Variants in CA8 observed in about 807,000 individuals in gnomAD.
CA8 encodes the protein carbonic anhydrase 8 (inactive).
Under a neutral mutation model 41.4 loss-of-function variants are expected in CA8, and 22 were observed. The observed-to-expected ratio is 0.53, with a 90% CI of 0.38 to 0.76. The LOEUF (loss-of-function observed/expected upper bound fraction) is 0.76. Ranked by LOEUF, CA8 falls within the 30% of genes least tolerant of loss-of-function variation. The pLI, the probability that CA8 is intolerant of heterozygous loss-of-function variation, is 0.00. For missense variants in CA8, 270 were observed against 352.8 expected, an observed-to-expected ratio of 0.77 and a Z score of 1.88; for synonymous variants, 121 against 130.6, an observed-to-expected ratio of 0.93 and a Z score of 0.50.
intron 3 of CA8, among the ~76,000 whole-genome samples, chr8:60,254,110 G>C (rs2130558554): frequency 6.6e-6 from 1 of 152,214 alleles, no homozygotes; most frequent in South Asian, 2.1e-4. Flanking sequence ...ACATGTTTCT[G>C]TCTTACTTCC....
chr8:60,249,507 T>C (rs1808367756), intron 3 of CA8, among the ~76,000 whole-genome samples: 3 of 152,188 alleles, frequency 2.0e-5, no homozygotes, highest in South Asian at 2.1e-4. Context: ...ACAAATAAAA[T>C]AAAATTTTCA....
chr8:60,201,266 A>G (rs766206398), intron 8 of CA8, among the ~76,000 whole-genome samples: 2 of 152,202 alleles, frequency 1.3e-5, no homozygotes, highest in African/African-American at 2.4e-5. Context: ...CAATTCTAGA[A>G]GTTAATTAAA....
intron 8 of CA8, among the ~76,000 whole-genome samples, chr8:60,203,743 A>T (rs900785809): frequency 6.6e-6 from 1 of 152,146 alleles, no homozygotes; most frequent in Non-Finnish European, 1.5e-5. Flanking sequence ...TTGTTTTTTT[A>T]GCATTTTTAG....
chr8:60,229,734 C>T (rs1807574890), intron 4 of CA8, among the ~76,000 whole-genome samples: 1 of 152,186 alleles, frequency 6.6e-6, no homozygotes, highest in Non-Finnish European at 1.5e-5. Context: ...CTGCTCTTTC[C>T]TCTCTCCCCT....
chr8:60,210,824 C>A (rs913854800), intron 7 of CA8, among the ~76,000 whole-genome samples: 1 of 152,076 alleles, frequency 6.6e-6, no homozygotes, highest in Non-Finnish European at 1.5e-5. Context: ...GATGGTTTTT[C>A]GCTAGATCTT....
chr8:60,278,684 G>A (rs892225643), intron 2 of CA8, among the ~76,000 whole-genome samples: 1 of 152,160 alleles, frequency 6.6e-6, no homozygotes, highest in Admixed American at 6.5e-5. Flanking sequence ...TCAGAACAGC[G>A]AAGGAGACTA....
chr8:60,227,229 G>A (rs574908137), intron 4 of CA8, among the ~76,000 whole-genome samples: 27 of 152,034 alleles, frequency 1.8e-4, no homozygotes, highest in African/African-American at 6.3e-4. Context: ...AGGCGGAGAG[G>A]TTGCAGTGAG....
intron 8 of CA8, among the ~76,000 whole-genome samples, chr8:60,195,228 T>A (rs1421451109): frequency 6.6e-6 from 1 of 152,240 alleles, no homozygotes; most frequent in Middle Eastern, 3.2e-3. Context: ...AGAAGTCTTC[T>A]AAATCATCAG....
In CA8 at chr8:60,187,463, T is replaced by A. The variant is rs1402261392; in HGVS notation, c.*2558A>T. 1.3e-5 allele frequency: 2 copies of A among 152,138 alleles called. No homozygotes were observed. Among genetic ancestry groups the A allele is most frequent in the Non-Finnish European group, 2.9e-5 (2 of 67,996 alleles). 9.4% of individuals were successfully genotyped at this position (152,138 alleles called of 1,614,324 possible). A position where few individuals can be genotyped will look rare whatever the true frequency, so the allele number is the denominator to read the frequency against. On this transcript the variant is annotated 3_prime_UTR_variant, in exon 9 of 9. Transcript: ENST00000317995. ...AGCAAGCAGAAGTTAGTCTGCTTTC[T>A]TACTAATCTTACTATTTTGTAAGAT...
At chr8:60,200,994 G>A (rs1476773356) in intron 8 of CA8, among the ~76,000 whole-genome samples, 2 of 152,142 alleles carry the variant, frequency 1.3e-5, no homozygotes, top group African/African-American at 4.8e-5. Context: ...AGGAGATGAC[G>A]CTAACTTTAT....
At chr8:60,214,673 T>C (rs1490119055) in intron 7 of CA8, among the ~76,000 whole-genome samples, 2 of 152,154 alleles carry the variant, frequency 1.3e-5, no homozygotes, top group African/African-American at 2.4e-5. Context: ...CCAGATGTGC[T>C]TCCAGATCCC....
At chr8:60,254,370 C>T (rs887064696) in intron 3 of CA8, among the ~76,000 whole-genome samples, 1 of 152,162 alleles carries the variant, frequency 6.6e-6, no homozygotes. Flanking sequence ...GCCAACGGTA[C>T]AGCCTTGATT....
chr8:60,229,509 A>T (rs1302725434), intron 4 of CA8, among the ~76,000 whole-genome samples: 1 of 151,702 alleles, frequency 6.6e-6, no homozygotes, highest in Non-Finnish European at 1.5e-5. Flanking sequence ...CCCAGGCATC[A>T]CCTCCTGCTG....
intron 3 of CA8, among the ~76,000 whole-genome samples, chr8:60,245,244 A>G (rs1213614651): frequency 6.6e-6 from 1 of 152,066 alleles, no homozygotes; most frequent in East Asian, 1.9e-4. Context: ...AAACAAATAT[A>G]TACATAAAGG....
chr8:60,275,757 C>T (rs185287927), intron 2 of CA8, among the ~76,000 whole-genome samples: 32 of 152,218 alleles, frequency 2.1e-4, no homozygotes, highest in African/African-American at 7.7e-4. Flanking sequence ...GCATATAGTG[C>T]AGAAACAATC....
In CA8 at chr8:60,255,293, C is replaced by T. The variant is rs921172376; in HGVS notation, c.417+10632G>A. On this transcript the variant is annotated intron_variant, in intron 3 of 8. Coordinates refer to ENST00000317995, the MANE Select transcript of CA8 (RefSeq NM_004056.6). ...GCCCCCGCCTAATTCTGGACAGACACTCTTCTCTCGAATTAAGCTATGTCT... is the reference window on the plus strand; with the variant it reads ...GCCCCCGCCTAATTCTGGACAGACATTCTTCTCTCGAATTAAGCTATGTCT... 1.6e-4 allele frequency among the ~76,000 whole-genome samples: 24 copies of T among 149,164 alleles called. No individual in the cohort carries two copies. In the East Asian group the frequency reaches 4.9e-3, roughly 31 times the overall value.
chr8:60,216,144 G>C (rs1807014270), intron 7 of CA8, among the ~76,000 whole-genome samples: 1 of 151,884 alleles, frequency 6.6e-6, no homozygotes. Flanking sequence ...AATTTTTCTT[G>C]GTCTAACTCC....
chr8:60,276,380 G>A (rs1804236980), intron 2 of CA8, among the ~76,000 whole-genome samples: 1 of 152,120 alleles, frequency 6.6e-6, no homozygotes, highest in Non-Finnish European at 1.5e-5. Flanking sequence ...GCGAGGGAGG[G>A]AAGACAACCT....
chr8:60,269,190 T>C (rs1803991689), intron 2 of CA8, among the ~76,000 whole-genome samples: 1 of 152,204 alleles, frequency 6.6e-6, no homozygotes, highest in African/African-American at 2.4e-5. Flanking sequence ...ATTTTATCCA[T>C]CTGGTAACCC....
Sources: allele counts gnomAD v4.1 joint callset (sites outside exome capture counted in the v4.1 genomes callset), GRCh38; gene constraint gnomAD v4.1.1; transcripts MANE v1.5; gene names NCBI Gene and HGNC (gene_info 2026-07-23, HGNC 2026-07-21).